ZNF385B: variants seen among roughly 807,000 people sequenced by gnomAD.
ZNF385B encodes the protein zinc finger protein 385B, also known as zinc finger protein 533.
Under a neutral mutation model 39.2 loss-of-function variants are expected in ZNF385B, and 23 were observed. The observed-to-expected ratio is 0.59, with a 90% confidence interval of 0.42 to 0.83. The LOEUF (loss-of-function observed/expected upper bound fraction) is 0.83, where lower values mean the gene tolerates loss of function less well. ZNF385B is among the 40% of genes least tolerant of loss of function. The pLI is 0.00. For synonymous variants in ZNF385B, 205 were observed against 222.6 expected, an observed-to-expected ratio of 0.92 and a Z score of 0.70; for missense variants, 552 against 598.9, an observed-to-expected ratio of 0.92 and a Z score of 0.82.
intron 1 of ZNF385B, among the ~76,000 whole-genome samples, chr2:179,822,538 A>C (rs773122635): frequency 2.0e-5 from 3 of 152,172 alleles, no homozygotes; most frequent in Non-Finnish European, 4.4e-5. Flanking sequence ...GCACTCACCG[A>C]AAGTGCCACT....
At chr2:179,756,158 C>A (rs903506991) in intron 3 of ZNF385B, among the ~76,000 whole-genome samples, 6 of 151,956 alleles carry the variant, frequency 3.9e-5, no homozygotes, top group African/African-American at 1.2e-4. Flanking sequence ...TTCAGGAGCT[C>A]TTTTAGGGCA....
chr2:179,741,340 G>C (rs1287406477), intron 3 of ZNF385B, among the ~76,000 whole-genome samples: 1 of 152,016 alleles, frequency 6.6e-6, no homozygotes, highest in Non-Finnish European at 1.5e-5. Flanking sequence ...ATTATACACT[G>C]ATGTCTAGTT....
intron 1 of ZNF385B, among the ~76,000 whole-genome samples, chr2:179,775,935 C>T (rs1027503205): frequency 6.6e-6 from 1 of 152,018 alleles, no homozygotes; most frequent in African/African-American, 2.4e-5. Flanking sequence ...TTGTATCGTC[C>T]CTGAAAGTTT....
intron 3 of ZNF385B, among the ~76,000 whole-genome samples, chr2:179,732,577 T>C (rs540485340): frequency 6.6e-5 from 10 of 152,314 alleles, no homozygotes; most frequent in African/African-American, 1.2e-4. Context: ...AAGCTGATGT[T>C]GAATATAAGA....
At chr2:179,679,138 G>A (rs1697264035) in intron 3 of ZNF385B, among the ~76,000 whole-genome samples, 1 of 152,128 alleles carries the variant, frequency 6.6e-6, no homozygotes, top group Admixed American at 6.5e-5. Flanking sequence ...TGACTGAACT[G>A]CAGTTCAAAG....
At chr2:179,529,852 T>C (rs962302066) in intron 4 of ZNF385B, among the ~76,000 whole-genome samples, 2 of 152,194 alleles carry the variant, frequency 1.3e-5, no homozygotes, top group Non-Finnish European at 2.9e-5. Flanking sequence ...AAACTGGTTA[T>C]AGTATACTAT....
chr2:179,649,242 C>T (rs1693001158), intron 3 of ZNF385B, among the ~76,000 whole-genome samples: 1 of 152,122 alleles, frequency 6.6e-6, no homozygotes. Context: ...ATTTTCCAGA[C>T]TAAAGAAGGC....
Position 179,544,887 on chromosome 2 carries a change from T to C in ZNF385B, c.381A>G (p.Pro127=). ...TACTGTCCACTGGAAAAGACATAAA[T>C]GGTTTGATATCCAGTGAAGGCTGCA... The part of the protein sequence containing the change: ...LMMQPSLDIK[P]FMSFPVDSSS... The change falls in exon 4 of 10, where the codon CCA becomes CCG. Residue 127 remains proline, a synonymous_variant. Coordinates refer to ENST00000410066, the MANE Select transcript of ZNF385B (RefSeq NM_152520.6). The C allele has an allele frequency of 6.2e-7, 1 of 1,614,074 alleles. No individual in the cohort carries two copies. Among genetic ancestry groups the C allele is most frequent in the South Asian group, 1.1e-5 (1 of 91,084 alleles).
intron 5 of ZNF385B, among the ~76,000 whole-genome samples, chr2:179,511,911 G>A (rs946072381): frequency 6.6e-6 from 1 of 152,034 alleles, no homozygotes; most frequent in African/African-American, 2.4e-5. Flanking sequence ...CACAAACCTA[G>A]AGGTACCATA....
intron 2 of ZNF385B, among the ~76,000 whole-genome samples, chr2:179,770,055 C>G (rs1703926530): frequency 6.6e-6 from 1 of 152,134 alleles, no homozygotes; most frequent in East Asian, 1.9e-4. Flanking sequence ...CCTTGCCCCT[C>G]TTCCCATCAC....
At chr2:179,701,117 A>C (rs1699166191) in intron 3 of ZNF385B, among the ~76,000 whole-genome samples, 1 of 152,234 alleles carries the variant, frequency 6.6e-6, no homozygotes, top group Non-Finnish European at 1.5e-5. Context: ...ACAAACCACT[A>C]TTAATTGTCT....
intron 3 of ZNF385B, among the ~76,000 whole-genome samples, chr2:179,662,544 G>T (rs1209931004): frequency 6.6e-6 from 1 of 152,070 alleles, no homozygotes; most frequent in African/African-American, 2.4e-5. Flanking sequence ...AGGAAATGGA[G>T]AACTGAGCAT....
intron 3 of ZNF385B, among the ~76,000 whole-genome samples, chr2:179,574,947 G>A (rs535100632): frequency 6.6e-6 from 1 of 152,176 alleles, no homozygotes; most frequent in East Asian, 1.9e-4. Flanking sequence ...TAATCAAATT[G>A]CTTTCTCTTT....
chr2:179,718,353 C>A (rs1700463457), intron 3 of ZNF385B, among the ~76,000 whole-genome samples: 1 of 147,896 alleles, frequency 6.8e-6, no homozygotes. Context: ...TATATATAAT[C>A]ATTTATATCT....
At chr2:179,585,589 T>G (rs763238651) in intron 3 of ZNF385B, among the ~76,000 whole-genome samples, 1 of 152,236 alleles carries the variant, frequency 6.6e-6, no homozygotes, top group Admixed American at 6.5e-5. Flanking sequence ...TAAAAATATA[T>G]TTCCATTAAG....
At chr2:179,617,538 G>T (rs1330144127) in intron 3 of ZNF385B, among the ~76,000 whole-genome samples, 2 of 151,970 alleles carry the variant, frequency 1.3e-5, no homozygotes, top group African/African-American at 4.8e-5. Flanking sequence ...AGTGTTTTTC[G>T]ATTTTAGTGT....
chr2:179,517,261 G>T (rs1055008905), intron 5 of ZNF385B, among the ~76,000 whole-genome samples: 1 of 151,904 alleles, frequency 6.6e-6, no homozygotes, highest in Non-Finnish European at 1.5e-5. Context: ...GAAACAGCTT[G>T]CCATTTTCCA....
At chr2:179,579,742 G>T (rs1211489544) in intron 3 of ZNF385B, among the ~76,000 whole-genome samples, 1 of 152,098 alleles carries the variant, frequency 6.6e-6, no homozygotes, top group African/African-American at 2.4e-5. Flanking sequence ...AATAGGATTT[G>T]ATATGTGCTT....
chr2:179,449,372 C>G (rs1045554842), intron 6 of ZNF385B, among the ~76,000 whole-genome samples: 9 of 152,126 alleles, frequency 5.9e-5, no homozygotes, highest in African/African-American at 1.9e-4. Context: ...AGCCCAAAAT[C>G]TCCTTAAGCT....
Sources: allele counts gnomAD v4.1 joint callset (sites outside exome capture counted in the v4.1 genomes callset), GRCh38; gene constraint gnomAD v4.1.1; transcripts MANE v1.5; gene names NCBI Gene and HGNC (gene_info 2026-07-23, HGNC 2026-07-21).